RAB3GAP1: variants seen among roughly 807,000 people sequenced by gnomAD.
The protein encoded by RAB3GAP1 is RAB3 GTPase activating protein catalytic subunit 1, also known as rab3 GTPase-activating protein catalytic subunit.
In RAB3GAP1, 86 loss-of-function variants were observed where a neutral mutation model predicts 130.7. That is an observed-to-expected ratio of 0.66 (90% CI 0.55 to 0.79). The LOEUF is 0.79. Among genes scored for constraint, RAB3GAP1 ranks in the 30% least tolerant of loss-of-function variants. RAB3GAP1 has a pLI of 0.00. For synonymous variants in RAB3GAP1, 367 were observed against 401.7 expected (o/e 0.91, Z 1.03); for missense variants, 1,029 against 1,169.4 (o/e 0.88, Z 1.75).
At position 135,114,418 on chromosome 2, in the gene RAB3GAP1, A is replaced by G. The variant is rs143013816; in HGVS notation, c.483-798A>G. Among the ~76,000 whole-genome samples the G allele has an allele frequency of 1.0e-3, 158 of 152,342 alleles. 1 individual carries two copies. Among genetic ancestry groups the G allele is most frequent in the African/African-American group, 3.6e-3 (150 of 41,580 alleles). On this transcript the variant is annotated intron_variant, in intron 6 of 23. Transcript: ENST00000264158. ...GTACTCCATGGTATATCCTAAGTGA[A>G]TAATTTTGCTAGAATATTTACTAAT...
chr2:135,135,997 A>G, intron 17 of RAB3GAP1, 65 bp downstream of exon 17: 1 of 1,579,784 alleles, frequency 6.3e-7, no homozygotes, highest in Non-Finnish European at 8.7e-7. Context: ...ATCCTAGTAG[A>G]AGATAGTGCT....
chr2:135,106,005 C>T (rs1267848960), intron 5 of RAB3GAP1, among the ~76,000 whole-genome samples: 4 of 152,068 alleles, frequency 2.6e-5, no homozygotes, highest in Admixed American at 6.5e-5. Flanking sequence ...GCAGCTGCCC[C>T]GTCTGAGAAG....
At chr2:135,131,680 A>T (rs186823319) in intron 13 of RAB3GAP1, among the ~76,000 whole-genome samples, 2 of 152,332 alleles carry the variant, frequency 1.3e-5, no homozygotes, top group East Asian at 3.9e-4. Context: ...ACCATGGTTT[A>T]ATGTCTGCAT....
chr2:135,086,430 C>T (rs1689984257), intron 3 of RAB3GAP1, among the ~76,000 whole-genome samples: 1 of 151,992 alleles, frequency 6.6e-6, no homozygotes, highest in South Asian at 2.1e-4. Flanking sequence ...AATGGAATCT[C>T]ATTGTGGTTT....
chr2:135,066,625 T>C (rs949175891), intron 3 of RAB3GAP1, among the ~76,000 whole-genome samples: 1 of 152,222 alleles, frequency 6.6e-6, no homozygotes, highest in East Asian at 1.9e-4. Context: ...TGTGTAAAAT[T>C]ACTTCCAGTG....
rs1266267636 is a variant in RAB3GAP1 at position 135,168,479 on chromosome 2, T to C, written c.2710-66T>C. The C allele has an allele frequency of 3.3e-6, 4 of 1,221,872 alleles. No homozygotes were observed. The African/African-American group carries it at 4.5e-5, about 14-fold the overall frequency. 75.7% of individuals were successfully genotyped at this position (1,221,872 alleles called of 1,614,324 possible). ...TATCTTTATTATGTTAATTCATCTGTCCTTCAAAAGCATCTGAGTTTAGCA... is the reference window on the plus strand; with the variant it reads ...TATCTTTATTATGTTAATTCATCTGCCCTTCAAAAGCATCTGAGTTTAGCA... On this transcript the variant is annotated intron_variant, in intron 23 of 23. Transcript: ENST00000264158.
chr2:135,067,544 G>A (rs561298418), intron 3 of RAB3GAP1, among the ~76,000 whole-genome samples: 1 of 152,260 alleles, frequency 6.6e-6, no homozygotes, highest in South Asian at 2.1e-4. Flanking sequence ...CATTTTTATT[G>A]TAATATAAAA....
chr2:135,064,755 G>GTTTTTTTT (rs746093269), intron 3 of RAB3GAP1, among the ~76,000 whole-genome samples: 15 of 104,950 alleles, frequency 1.4e-4, no homozygotes, highest in Non-Finnish European at 2.1e-4. Context: ...GAGGTGTTTT[G>GTTTTTTTT]TTTTTTTTTT....
chr2:135,159,515 C>T (rs993826715), intron 19 of RAB3GAP1, among the ~76,000 whole-genome samples: 4 of 152,200 alleles, frequency 2.6e-5, no homozygotes, highest in Admixed American at 2.6e-4. Context: ...TTATGAAATA[C>T]TTGACCAGAA....
At chr2:135,168,491 A>C in intron 23 of RAB3GAP1, 54 bp from the exon 24 acceptor site, 1 of 1,378,700 alleles carries the variant, frequency 7.3e-7, no homozygotes, top group South Asian at 1.2e-5. Context: ...CTTCAAAAGC[A>C]TCTGAGTTTA....
At chr2:135,156,149 A>G (rs1315197620) in intron 19 of RAB3GAP1, among the ~76,000 whole-genome samples, 2 of 152,188 alleles carry the variant, frequency 1.3e-5, no homozygotes, top group Non-Finnish European at 2.9e-5. Context: ...TACCCCCAGT[A>G]AAAACAGAAA....
chr2:135,133,420 A>G (rs963716351), intron 14 of RAB3GAP1, among the ~76,000 whole-genome samples: 1 of 152,130 alleles, frequency 6.6e-6, no homozygotes, highest in African/African-American at 2.4e-5. Flanking sequence ...ACAAGTGTAG[A>G]TATATATCAA....
intron 2 of RAB3GAP1, among the ~76,000 whole-genome samples, chr2:135,056,521 A>G (rs1689017248): frequency 6.6e-6 from 1 of 152,096 alleles, no homozygotes; most frequent in Non-Finnish European, 1.5e-5. Flanking sequence ...TTTTCTTTTG[A>G]TTGACATGAT....
intron 5 of RAB3GAP1, among the ~76,000 whole-genome samples, chr2:135,105,245 C>G (rs1281079242): frequency 6.9e-5 from 9 of 129,818 alleles, no homozygotes; most frequent in Non-Finnish European, 1.5e-4. Flanking sequence ...CCCCCCTTCC[C>G]CCTCCCCCTC....
At chr2:135,105,741 A>G (rs1690583802) in intron 5 of RAB3GAP1, among the ~76,000 whole-genome samples, 1 of 148,230 alleles carries the variant, frequency 6.7e-6, no homozygotes, top group African/African-American at 2.5e-5. Context: ...CAGTCTGGGA[A>G]GTGAGGAGCG....
At chr2:135,124,461 C>T (rs1038179723) in intron 9 of RAB3GAP1, among the ~76,000 whole-genome samples, 2 of 152,100 alleles carry the variant, frequency 1.3e-5, no homozygotes, top group Non-Finnish European at 2.9e-5. Flanking sequence ...GTCAGGAGTT[C>T]GAGAACAGCC....
intron 2 of RAB3GAP1, among the ~76,000 whole-genome samples, chr2:135,057,181 C>G (rs540704231): frequency 6.6e-6 from 1 of 152,272 alleles, no homozygotes; most frequent in Admixed American, 6.5e-5. Flanking sequence ...AGTTTTAAGA[C>G]CTGTCACTTA....
chr2:135,080,981 G>A (rs934002113), intron 3 of RAB3GAP1, among the ~76,000 whole-genome samples: 1 of 152,048 alleles, frequency 6.6e-6, no homozygotes, highest in Non-Finnish European at 1.5e-5. Context: ...TCAATGATTA[G>A]AAACTATTTA....
chr2:135,106,307 G>C (rs1043021607), intron 5 of RAB3GAP1, among the ~76,000 whole-genome samples: 3 of 152,214 alleles, frequency 2.0e-5, no homozygotes, highest in Non-Finnish European at 2.9e-5. Context: ...CGGTTTTGTC[G>C]AATAGAAAAG....
Sources: gnomAD v4.1 joint callset for allele counts (sites outside exome capture counted in the v4.1 genomes callset) on GRCh38, gnomAD v4.1.1 for gene constraint, MANE v1.5 for transcripts, NCBI Gene and HGNC (gene_info 2026-07-23, HGNC 2026-07-21) for gene names.